The following PPP2R5E variants were observed in gnomAD, a reference collection of about 807,000 sequenced individuals.
The protein encoded by PPP2R5E is protein phosphatase 2 regulatory subunit B'epsilon, also known as serine/threonine-protein phosphatase 2A 56 kDa regulatory subunit epsilon isoform.
In PPP2R5E, 4 loss-of-function variants were observed where a neutral mutation model predicts 65.3. The ratio of observed to expected loss-of-function variants is 0.06; its 90% CI spans 0.03 to 0.14. PPP2R5E has a LOEUF of 0.14. Ranked by LOEUF, PPP2R5E falls within the 10% of genes least tolerant of loss-of-function variation. PPP2R5E has a pLI of 1.00. For synonymous variants in PPP2R5E, 183 were observed against 187.4 expected, an observed-to-expected ratio of 0.98 and a Z score of 0.19; for missense variants, 274 against 556.1, an observed-to-expected ratio of 0.49 and a Z score of 5.10.
intron 5 of PPP2R5E, among the ~76,000 whole-genome samples, chr14:63,397,861 G>A (rs1294552147): frequency 6.6e-6 from 1 of 151,774 alleles, no homozygotes; most frequent in Non-Finnish European, 1.5e-5. Flanking sequence ...CTGAGTAGCT[G>A]GGACTAAAGG....
intron 2 of PPP2R5E, among the ~76,000 whole-genome samples, chr14:63,463,951 A>G (rs551605538): frequency 6.6e-6 from 1 of 152,326 alleles, no homozygotes; most frequent in East Asian, 1.9e-4. Context: ...AGAGAAAAAT[A>G]GGGAAAAAAT....
chr14:63,441,396 A>T (rs548713033), intron 3 of PPP2R5E, among the ~76,000 whole-genome samples: 1 of 152,336 alleles, frequency 6.6e-6, no homozygotes, highest in East Asian at 1.9e-4. Context: ...CTCTAGCCCA[A>T]ATGGTTTCAC....
rs540769912 is a variant in PPP2R5E, at chr14:63,489,657, T to G, written c.158-35772A>C. Among the ~76,000 whole-genome samples, 4 of 152,160 alleles carry G rather than the reference T, an allele frequency of 2.6e-5. No individual in the cohort carries two copies. The South Asian group carries it at 6.2e-4, about 24-fold the overall frequency. ...ACTCCTAAGTTCAAGCAATCTGCCC[T>G]CTGGCCTTCCAAAATGCAGGAATTA... On this transcript the variant is annotated intron_variant, in intron 2 of 13. Coordinates refer to ENST00000337537, the MANE Select transcript of PPP2R5E (RefSeq NM_006246.5).
intron 4 of PPP2R5E, among the ~76,000 whole-genome samples, chr14:63,419,139 G>A (rs896323812): frequency 1.3e-5 from 2 of 152,122 alleles, no homozygotes; most frequent in South Asian, 2.1e-4. Context: ...GGGCCACTAC[G>A]TCCGGCCAAT....
At chr14:63,461,804 TAAATAA>T (rs1416054409) in intron 2 of PPP2R5E, among the ~76,000 whole-genome samples, 2 of 150,790 alleles carry the variant, frequency 1.3e-5, no homozygotes, top group Admixed American at 6.6e-5. Context: ...CAAAAAGATA[TAAATAA>T]AAATAAAAAG....
intron 2 of PPP2R5E, among the ~76,000 whole-genome samples, chr14:63,493,483 C>CAT (rs1891384171): frequency 1.6e-5 from 2 of 126,824 alleles, no homozygotes; most frequent in Admixed American, 9.9e-5. Context: ...ACCGCGCGCG[C>CAT]GTGTGTGTGT....
Position 63,376,026 on chromosome 14 carries a change from C to T in PPP2R5E, c.1387G>A (p.Gly463Arg). ...LELKRGLRRD[G>R]IIPT ...TGTTTTTGTTAAGTTGGAATTATTC[C>T]ATCACGTCTAAGACCTCTCTTTAAC... Residue 463 changes from glycine to arginine, a missense_variant, in exon 14 of 14, where the codon GGA becomes AGA. By Grantham distance (125) the Gly-to-Arg change is moderately radical (BLOSUM62 -2). Around this residue, in one of 6 missense-constraint regions of PPP2R5E, gnomAD observed 129 missense variants for 254.9 expected, o/e 0.51. Transcript: ENST00000337537. The T allele has an allele frequency of 1.3e-6, 2 of 1,595,648 alleles. No individual in the cohort carries two copies. The highest frequency in any genetic ancestry group is 1.1e-5 in the South Asian group (1 of 90,498).
chr14:63,421,931 C>T (rs1281972940), intron 4 of PPP2R5E, 62 bp downstream of exon 4: 3 of 1,300,618 alleles, frequency 2.3e-6, no homozygotes, highest in Non-Finnish European at 3.3e-6. Context: ...AAGGAATTCC[C>T]ATGCTAATCA....
At chr14:63,447,730 T>C (rs890209227) in intron 3 of PPP2R5E, among the ~76,000 whole-genome samples, 24 of 152,372 alleles carry the variant, frequency 1.6e-4, no homozygotes, top group Middle Eastern at 3.4e-3. Context: ...GTTTCAGCTT[T>C]TGACATGCCT....
intron 2 of PPP2R5E, among the ~76,000 whole-genome samples, chr14:63,482,288 C>T (rs575280717): frequency 1.3e-5 from 2 of 152,044 alleles, no homozygotes; most frequent in Admixed American, 1.3e-4. Context: ...GGTGAAACCC[C>T]GTCTCTACTA....
In PPP2R5E at chr14:63,374,634, G is replaced by GATTTTATATATATATATATATATATAT. The variant is rs1555353678; in HGVS notation, c.*1374_*1375insATATATATATATATATATATATAAAAT. On this transcript the variant is annotated 3_prime_UTR_variant, in exon 14 of 14. Coordinates refer to ENST00000337537, the MANE Select transcript of PPP2R5E (RefSeq NM_006246.5). ...TAAATACAAAGCAGAGAGCCAATAA[G>GATTTTATATATATATATATATATATAT]ATATATATATATATATATATATATA... The GATTTTATATATATATATATATATATAT allele has an allele frequency of 9.1e-6, 1 of 109,598 alleles. No individual in the cohort carries two copies. Among genetic ancestry groups the GATTTTATATATATATATATATATATAT allele is most frequent in the Admixed American group, 8.6e-5 (1 of 11,656 alleles). 6.8% of individuals were successfully genotyped at this position (109,598 alleles called of 1,614,324 possible).
rs991571260 is a variant in PPP2R5E at position 63,373,940 on chromosome 14, A to C, written c.*2069T>G. 6.6e-6 allele frequency: 1 copy of C among 152,014 alleles called. No homozygotes were observed. The highest frequency in any genetic ancestry group is 6.6e-5 in the Admixed American group (1 of 15,254). The allele number at this position is 152,014 out of a possible 1,614,324, so 9.4% of individuals were successfully genotyped here. A position where few individuals can be genotyped will look rare whatever the true frequency, so the allele number is the denominator to read the frequency against. On this transcript the variant is annotated 3_prime_UTR_variant, in exon 14 of 14. Coordinates refer to ENST00000337537, the MANE Select transcript of PPP2R5E (RefSeq NM_006246.5). ...TTATCACATTGTTCCAGCATTTTTAAAGTCAGTTGTTTCGTCTTTGGCAGC... is the reference window on the plus strand; with the variant it reads ...TTATCACATTGTTCCAGCATTTTTACAGTCAGTTGTTTCGTCTTTGGCAGC...
intron 2 of PPP2R5E, among the ~76,000 whole-genome samples, chr14:63,520,278 G>A (rs549684955): frequency 6.6e-5 from 10 of 151,680 alleles, no homozygotes; most frequent in Admixed American, 3.3e-4. Flanking sequence ...CTCATGATCC[G>A]CCCGCCTCGG....
intron 3 of PPP2R5E, among the ~76,000 whole-genome samples, chr14:63,433,787 G>A (rs769240024): frequency 5.9e-5 from 9 of 152,130 alleles, no homozygotes; most frequent in South Asian, 4.1e-4. Context: ...ACTTTCCAGC[G>A]AATCTCCTGT....
chr14:63,511,939 C>T lies in PPP2R5E; in HGVS notation c.157+27590G>A, dbSNP rs549813969. ...ACTAAGATACAAAAAATTAGCCGGGCGTGGTGGTGCACCCCTGTAATCCCA... is the reference window on the plus strand; with the variant it reads ...ACTAAGATACAAAAAATTAGCCGGGTGTGGTGGTGCACCCCTGTAATCCCA... On this transcript the variant is annotated intron_variant, in intron 2 of 13. Coordinates refer to ENST00000337537, the MANE Select transcript of PPP2R5E (RefSeq NM_006246.5). 3.1e-4 allele frequency among the ~76,000 whole-genome samples: 47 copies of T among 151,942 alleles called. No homozygotes were observed. The South Asian group carries it at 6.6e-3, about 21-fold the overall frequency.
At chr14:63,453,576 T>C (rs754327083) in intron 3 of PPP2R5E, 113 bp downstream of exon 3, 8 of 981,350 alleles carry the variant, frequency 8.2e-6, no homozygotes, top group African/African-American at 3.3e-5. Context: ...TCTCCAAAGG[T>C]TGGCTCTCAT....
intron 2 of PPP2R5E, among the ~76,000 whole-genome samples, chr14:63,473,787 G>A (rs1407955218): frequency 6.6e-6 from 1 of 152,160 alleles, no homozygotes; most frequent in Non-Finnish European, 1.5e-5. Flanking sequence ...AGAAACTTGG[G>A]AGTTTTAACC....
At chr14:63,412,874 A>C (rs1317741705) in intron 5 of PPP2R5E, among the ~76,000 whole-genome samples, 1 of 152,216 alleles carries the variant, frequency 6.6e-6, no homozygotes, top group African/African-American at 2.4e-5. Context: ...CCACTGTTAT[A>C]GAGAAAAAGA....
intron 2 of PPP2R5E, among the ~76,000 whole-genome samples, chr14:63,515,296 CTT>C (rs1477652503): frequency 1.3e-5 from 2 of 152,168 alleles, no homozygotes; most frequent in African/African-American, 4.8e-5. Flanking sequence ...GCTTCAGAGT[CTT>C]TGAGAATTAT....
Sources: allele counts gnomAD v4.1 joint callset (sites outside exome capture counted in the v4.1 genomes callset), GRCh38; gene constraint gnomAD v4.1.1; regional missense constraint gnomAD v4.1.1; transcripts MANE v1.5; gene names NCBI Gene and HGNC (gene_info 2026-07-23, HGNC 2026-07-21).